The following KCNC1 variants were observed in gnomAD, a reference collection of about 807,000 sequenced individuals.
KCNC1 encodes the protein potassium voltage-gated channel subfamily C member 1.
KCNC1 carries 8 observed loss-of-function variants against 43.4 expected under a neutral mutation model. That is an observed-to-expected ratio of 0.18 (90% confidence interval 0.11 to 0.33). The LOEUF is 0.33. Among genes scored for constraint, KCNC1 ranks in the 10% least tolerant of loss-of-function variants. KCNC1 has a pLI of 1.00. For synonymous variants in KCNC1, 361 were observed against 360.5 expected (o/e 1.00, Z -0.01); for missense variants, 420 against 836.0 (o/e 0.50, Z 6.14).
intron 1 of KCNC1, among the ~76,000 whole-genome samples, chr11:17,755,072 C>A (rs1849009025): frequency 6.6e-6 from 1 of 152,050 alleles, no homozygotes; most frequent in African/African-American, 2.4e-5. Flanking sequence ...GTCAGAAGCA[C>A]CCTCTTGGGG....
Position 17,772,097 on chromosome 11 carries a change from G to T in KCNC1, c.1003G>T (p.Gly335Cys). ...CCACTTTGTGGGCCTGCGGGTCCTGGGCCACACGCTCCGAGCCAGCACCAA... is the reference window on the plus strand; with the variant it reads ...CCACTTTGTGGGCCTGCGGGTCCTGTGCCACACGCTCCGAGCCAGCACCAA... ...TRHFVGLRVL[G>C]HTLRASTNEF... The change falls in exon 2 of 4, where the codon GGC becomes TGC. Residue 335 changes from glycine (G) to cysteine (C), a missense_variant. Physicochemically the swap from Gly to Cys is radical, Grantham distance 159. Around this residue, in one of 5 missense-constraint regions of KCNC1, gnomAD observed 58 missense variants for 256.9 expected, o/e 0.23. Transcript: ENST00000265969. 1 of 1,613,678 alleles carries T rather than the reference G, an allele frequency of 6.2e-7. No homozygotes were observed. The highest frequency in any genetic ancestry group is 8.5e-7 in the Non-Finnish European group (1 of 1,179,932).
At position 17,777,612 on chromosome 11, in the gene KCNC1, C is replaced by T. The variant is rs1849300866; in HGVS notation, c.1505-1844C>T. 5.1e-6 allele frequency: 5 copies of T among 985,848 alleles called. No individual in the cohort carries two copies. Among genetic ancestry groups the T allele is most frequent in the South Asian group, 9.4e-5 (2 of 21,282 alleles). 61.1% of individuals were successfully genotyped at this position (985,848 alleles called of 1,614,324 possible). A position where few individuals can be genotyped will look rare whatever the true frequency, so the allele number is the denominator to read the frequency against. ...ATGCCCCAAGACCCCAGAGACGCCCCGGCCCCAGTCACATGGTGTCAGAGT... is the reference window on the plus strand; with the variant it reads ...ATGCCCCAAGACCCCAGAGACGCCCTGGCCCCAGTCACATGGTGTCAGAGT... On this transcript the variant is annotated intron_variant, in intron 2 of 3. Transcript: ENST00000265969. The surrounding 1 kb of genome is among the most constrained non-coding windows in gnomAD (Gnocchi z 4.3).
chr11:17,778,709 G>C (rs1298949683), intron 2 of KCNC1, among the ~76,000 whole-genome samples: 2 of 152,186 alleles, frequency 1.3e-5, no homozygotes, highest in Admixed American at 6.5e-5. Flanking sequence ...TGGTCTGTAT[G>C]GGGGGTCGGG....
Position 17,773,807 on chromosome 11 carries a change from G to A in KCNC1, c.1504+1209G>A, listed in dbSNP as rs542454556. The A allele has an allele frequency of 1.0e-6, 1 of 985,560 alleles. No individual in the cohort carries two copies. Among genetic ancestry groups the A allele is most frequent in the Non-Finnish European group, 1.2e-6 (1 of 829,994 alleles). The allele number at this position is 985,560 out of a possible 1,614,324, so 61.1% of individuals were successfully genotyped here. On this transcript the variant is annotated intron_variant, in intron 2 of 3. Coordinates refer to ENST00000265969, the MANE Select transcript of KCNC1 (RefSeq NM_001112741.2). This position sits in a 1 kb window ranked among gnomAD's most constrained non-coding sequence, Gnocchi z 4.1. ...ACAGATGACCCAGAGAAGAATGACA[G>A]CACTGAGTAAGAAGGAGTGCCAGGT...
At chr11:17,759,421 T>A (rs143005270) in intron 1 of KCNC1, among the ~76,000 whole-genome samples, 42 of 152,358 alleles carry the variant, frequency 2.8e-4, no homozygotes, top group African/African-American at 8.7e-4. Context: ...GCACTTTCAA[T>A]TTCCTTTTAG....
chr11:17,754,585 A>G (rs75872998), intron 1 of KCNC1, among the ~76,000 whole-genome samples: 3,352 of 152,314 alleles, frequency 0.022, 107 homozygotes, highest in African/African-American at 0.068. Context: ...CATAGGACCC[A>G]TGTCCACGAC....
At chr11:17,772,678 T>A (rs374881822) in intron 2 of KCNC1, 80 bp downstream of exon 2, 2 of 1,555,270 alleles carry the variant, frequency 1.3e-6, no homozygotes, top group Non-Finnish European at 1.7e-6. Flanking sequence ...CCAGTCAGAC[T>A]GCTTCCTTAG....
At position 17,773,539 on chromosome 11, in the gene KCNC1, C is replaced by G. The variant is rs1849254891; in HGVS notation, c.1504+941C>G. 1.0e-6 allele frequency: 1 copy of G among 983,802 alleles called. No homozygotes were observed. The highest frequency in any genetic ancestry group is 1.8e-5 in the African/African-American group (1 of 56,650). 60.9% of individuals were successfully genotyped at this position (983,802 alleles called of 1,614,324 possible). A position where few individuals can be genotyped will look rare whatever the true frequency, so the allele number is the denominator to read the frequency against. ...ATCCCAACCAGTGTACAACCACTTTCCCGTGAATTCACTGGGGGCCGGGAG... is the reference window on the plus strand; with the variant it reads ...ATCCCAACCAGTGTACAACCACTTTGCCGTGAATTCACTGGGGGCCGGGAG... On this transcript the variant is annotated intron_variant, in intron 2 of 3. Transcript: ENST00000265969. The surrounding 1 kb of genome is among the most constrained non-coding windows in gnomAD (Gnocchi z 4.1).
chr11:17,776,184 T>G lies in KCNC1; in HGVS notation c.1505-3272T>G. 3.0e-6 allele frequency: 3 copies of G among 985,414 alleles called. No homozygotes were observed. The South Asian group carries it at 1.4e-4, about 46-fold the overall frequency. 61.0% of individuals were successfully genotyped at this position (985,414 alleles called of 1,614,324 possible). ...GTGTTCTTTTCCGTGTTGTTCACAT[T>G]TTCTCTCTTTCTCTCTCTCTCCACT... On this transcript the variant is annotated intron_variant, in intron 2 of 3. Coordinates refer to ENST00000265969, the MANE Select transcript of KCNC1 (RefSeq NM_001112741.2). The surrounding 1 kb of genome is among the most constrained non-coding windows in gnomAD (Gnocchi z 4.4).
Position 17,739,392 on chromosome 11 carries a change from TGTG to T in KCNC1, c.570+2821_570+2823del, listed in dbSNP as rs1428618720. On this transcript the variant is annotated intron_variant, in intron 1 of 3. Transcript: ENST00000265969. This position sits in a 1 kb window ranked among gnomAD's most constrained non-coding sequence, Gnocchi z 4.2. ...GTGTGTGTGTGTGTGTGTGTGTGTG[TGTG>T]TGTGGTGAGACTGCGACTCTGTGCG... Among the ~76,000 whole-genome samples the T allele has an allele frequency of 1.1e-5, 1 of 90,558 alleles. No homozygotes were observed. Among genetic ancestry groups the T allele is most frequent in the African/African-American group, 3.5e-5 (1 of 28,532 alleles). 59.4% of individuals were successfully genotyped at this position (90,558 alleles called of 152,430 possible). A position where few individuals can be genotyped will look rare whatever the true frequency, so the allele number is the denominator to read the frequency against.
At chr11:17,775,499 G>A in intron 2 of KCNC1, 2 of 985,410 alleles carry the variant, frequency 2.0e-6, no homozygotes, top group Non-Finnish European at 2.4e-6. Flanking sequence ...GACCTCTTGG[G>A]GGATGCTAGG....
intron 1 of KCNC1, among the ~76,000 whole-genome samples, chr11:17,765,228 A>T (rs898301137): frequency 6.6e-6 from 1 of 152,254 alleles, no homozygotes; most frequent in Non-Finnish European, 1.5e-5. Context: ...ACCACGTTAC[A>T]GTCATCGCCT....
Position 17,736,065 on chromosome 11 carries a change from G to A in KCNC1, c.63G>A (p.Thr21=), listed in dbSNP as rs1418335217. The A allele has an allele frequency of 1.9e-6, 3 of 1,592,386 alleles. No individual in the cohort carries two copies. Among genetic ancestry groups the A allele is most frequent in the South Asian group, 1.1e-5 (1 of 88,166 alleles). Residue 21 remains threonine, a synonymous_variant, in exon 1 of 4, where the codon ACG becomes ACA. Transcript: ENST00000265969. This position sits in a 1 kb window ranked among gnomAD's most constrained non-coding sequence, Gnocchi z 9.3. ...VINVGGTRHQ[T]YRSTLRTLPG... ...ACGTGGGCGGCACGCGCCACCAGAC[G>A]TACCGCTCGACCCTGCGCACGCTGC...
intron 2 of KCNC1, among the ~76,000 whole-genome samples, chr11:17,778,430 C>T (rs767557652): frequency 3.9e-5 from 6 of 152,226 alleles, no homozygotes; most frequent in East Asian, 3.8e-4. Context: ...CTTGCTTTGC[C>T]GGGGACACTG....
At chr11:17,744,875 C>T (rs1565155260) in intron 1 of KCNC1, among the ~76,000 whole-genome samples, 3 of 152,050 alleles carry the variant, frequency 2.0e-5, no homozygotes, top group South Asian at 4.2e-4. Context: ...CTGGGAAACT[C>T]GATTCTTAGA....
At position 17,782,056 on chromosome 11, in the gene KCNC1, G is replaced by A. The variant is rs570624446; in HGVS notation, c.*322G>A. The A allele has an allele frequency of 3.1e-6, 1 of 318,086 alleles. No homozygotes were observed. Among genetic ancestry groups the A allele is most frequent in the African/African-American group, 2.1e-5 (1 of 46,894 alleles). The allele number at this position is 318,086 out of a possible 1,614,324, so 19.7% of individuals were successfully genotyped here. ...ACCCACCAACCCCCTGCAACTGTAT[G>A]ATTACCCTGAACAACAATAATGAAA... On this transcript the variant is annotated 3_prime_UTR_variant, in exon 4 of 4. Transcript: ENST00000265969.
chr11:17,751,798 G>A (rs1156388214), intron 1 of KCNC1, among the ~76,000 whole-genome samples: 3 of 152,236 alleles, frequency 2.0e-5, no homozygotes, highest in Non-Finnish European at 4.4e-5. Flanking sequence ...AGGGCAGTCA[G>A]TGAGTGGGGG....
intron 1 of KCNC1, among the ~76,000 whole-genome samples, chr11:17,754,561 G>T (rs2299635): frequency 6.6e-6 from 1 of 151,992 alleles, no homozygotes; most frequent in African/African-American, 2.4e-5. Flanking sequence ...ACTAGAGGGA[G>T]TGAGGCAAGT....
At chr11:17,775,640 A>G (rs2133807744) in intron 2 of KCNC1, 4 of 985,598 alleles carry the variant, frequency 4.1e-6, no homozygotes, top group Non-Finnish European at 4.8e-6. Flanking sequence ...ACAGCCCACA[A>G]TGCCTCCTCC....
Sources: allele counts gnomAD v4.1 joint callset (sites outside exome capture counted in the v4.1 genomes callset), GRCh38; gene constraint gnomAD v4.1.1; regional missense constraint gnomAD v4.1.1; non-coding constraint Gnocchi (gnomAD v3.1); transcripts MANE v1.5; gene names NCBI Gene and HGNC (gene_info 2026-07-23, HGNC 2026-07-21).